Variants in SLIT3 observed in about 807,000 individuals in gnomAD.
The protein encoded by SLIT3 is slit homolog 3 protein.
A neutral mutation model predicts 184.0 loss-of-function variants in SLIT3; 68 were observed. That is an observed-to-expected ratio of 0.37 (90% CI 0.30 to 0.45). The LOEUF (loss-of-function observed/expected upper bound fraction) is 0.45, where lower values mean the gene tolerates loss of function less well. Ranked by LOEUF, SLIT3 falls within the 20% of genes least tolerant of loss-of-function variation. The probability of loss-of-function intolerance (pLI) is 1.00; values close to 1 mark genes in which losing one functional copy is unlikely to be tolerated. For synonymous variants in SLIT3, 831 were observed against 828.6 expected (o/e 1.00, Z -0.05); for missense variants, 1,707 against 2,026.0 (o/e 0.84, Z 3.02).
At chr5:168,686,893 T>C in intron 30 of SLIT3, 86 bp downstream of exon 30, 1 of 1,535,342 alleles carries the variant, frequency 6.5e-7, no homozygotes, top group Non-Finnish European at 8.9e-7. Flanking sequence ...GGCCTGAGTC[T>C]CCATTCTGGC....
chr5:169,235,984 G>A (rs2113562022), intron 3 of SLIT3, among the ~76,000 whole-genome samples: 1 of 152,292 alleles, frequency 6.6e-6, no homozygotes, highest in Non-Finnish European at 1.5e-5. Context: ...CTCTTTCGAA[G>A]GAAGTGTCTC....
intron 14 of SLIT3, among the ~76,000 whole-genome samples, chr5:168,769,440 G>A (rs2113526982): frequency 6.6e-6 from 1 of 152,314 alleles, no homozygotes; most frequent in East Asian, 1.9e-4. Flanking sequence ...ATATCCTCTA[G>A]ATGGTCTCAG....
intron 4 of SLIT3, among the ~76,000 whole-genome samples, chr5:169,007,080 C>T (rs1260173295): frequency 2.6e-5 from 4 of 152,116 alleles, no homozygotes; most frequent in Admixed American, 2.0e-4. Context: ...ATGCTGTTCT[C>T]GTGATAGTGA....
chr5:168,977,043 T>C lies in SLIT3; in HGVS notation c.414-93707A>G, dbSNP rs547160292. On this transcript the variant is annotated intron_variant, in intron 4 of 35. Transcript: ENST00000519560. ...AATTTGGGGGAGGGGTTGGGGGAGG[T>C]CCTCAGTGGGGAACAAAGGGGCCCA... Among the ~76,000 whole-genome samples, 3 of 151,658 alleles carry C rather than the reference T, an allele frequency of 2.0e-5. No homozygotes were observed. In the South Asian group the frequency reaches 6.3e-4, roughly 32 times the overall value.
chr5:168,975,908 G>GAGC (rs1369963918), intron 4 of SLIT3, among the ~76,000 whole-genome samples: 3 of 152,158 alleles, frequency 2.0e-5, no homozygotes, highest in Non-Finnish European at 4.4e-5. Flanking sequence ...AAGAGGAAGG[G>GAGC]AGCAGTACAG....
chr5:168,987,599 A>G (rs1476915125), intron 4 of SLIT3, among the ~76,000 whole-genome samples: 3 of 152,242 alleles, frequency 2.0e-5, no homozygotes, highest in Non-Finnish European at 2.9e-5. Flanking sequence ...ACATGCACAC[A>G]GTAAAGCTCT....
intron 4 of SLIT3, among the ~76,000 whole-genome samples, chr5:168,957,846 C>T (rs993544218): frequency 3.9e-5 from 6 of 152,192 alleles, no homozygotes; most frequent in African/African-American, 1.4e-4. Flanking sequence ...TGACCTTATC[C>T]AAGTCACTTA....
intron 4 of SLIT3, among the ~76,000 whole-genome samples, chr5:168,921,051 G>A (rs1171860131): frequency 6.6e-6 from 1 of 152,134 alleles, no homozygotes; most frequent in African/African-American, 2.4e-5. Flanking sequence ...TGGAGTTTAA[G>A]TTGTGGGTCT....
intron 4 of SLIT3, among the ~76,000 whole-genome samples, chr5:169,015,961 CACACACACACACACACACACACACAA>C (rs200896379): frequency 0.014 from 1,971 of 143,518 alleles, 101 homozygotes; most frequent in East Asian, 0.1. Context: ...CACACACACA[CACACACACACACACACACACACACAA>C]CTTTCTGTCT....
chr5:169,000,475 C>T (rs377521883), intron 4 of SLIT3, among the ~76,000 whole-genome samples: 18 of 147,474 alleles, frequency 1.2e-4, no homozygotes, highest in African/African-American at 4.5e-4. Context: ...GTTGCATCAA[C>T]GCTTAAGCCT....
intron 1 of SLIT3, among the ~76,000 whole-genome samples, chr5:169,298,908 T>A (rs1767595552): frequency 6.6e-6 from 1 of 152,200 alleles, no homozygotes; most frequent in South Asian, 2.1e-4. Flanking sequence ...AAACATTAGC[T>A]ATAATTATTA....
intron 4 of SLIT3, among the ~76,000 whole-genome samples, chr5:168,939,786 G>T (rs1762276210): frequency 6.6e-6 from 1 of 152,212 alleles, no homozygotes; most frequent in Non-Finnish European, 1.5e-5. Context: ...TATGCTATCA[G>T]TGTTATTATC....
At chr5:169,203,351 GCACACACACACACACACA>G (rs36206656) in intron 3 of SLIT3, among the ~76,000 whole-genome samples, 30 of 147,534 alleles carry the variant, frequency 2.0e-4, no homozygotes, top group African/African-American at 7.3e-4. Context: ...ATGTGAATGT[GCACACACACACACACACA>G]CACACACACA....
At chr5:169,249,068 G>A (rs1035881155) in intron 2 of SLIT3, among the ~76,000 whole-genome samples, 1 of 152,082 alleles carries the variant, frequency 6.6e-6, no homozygotes, top group African/African-American at 2.4e-5. Context: ...GTGCCAAGGT[G>A]TGAAAAAAAT....
intron 4 of SLIT3, among the ~76,000 whole-genome samples, chr5:169,184,627 G>A (rs543572203): frequency 7.9e-5 from 12 of 152,192 alleles, no homozygotes; most frequent in East Asian, 3.9e-4. Flanking sequence ...CAAATCCCCC[G>A]GTCCATTCCA....
At chr5:168,782,274 G>T (rs1756003281) in intron 12 of SLIT3, among the ~76,000 whole-genome samples, 1 of 152,190 alleles carries the variant, frequency 6.6e-6, no homozygotes. Context: ...GGGTTTAAAA[G>T]CTTCCACCTC....
chr5:168,778,116 G>A (rs73308256), intron 12 of SLIT3, among the ~76,000 whole-genome samples: 4,325 of 152,246 alleles, frequency 0.028, 212 homozygotes, highest in African/African-American at 0.099. Flanking sequence ...CCTGTTTGAG[G>A]AGCATTGGTG....
intron 4 of SLIT3, among the ~76,000 whole-genome samples, chr5:168,886,452 A>T (rs1198286859): frequency 6.6e-6 from 1 of 152,190 alleles, no homozygotes; most frequent in African/African-American, 2.4e-5. Flanking sequence ...GAGAGAGACA[A>T]GAGCCACCAT....
intron 6 of SLIT3, among the ~76,000 whole-genome samples, chr5:168,842,532 G>A (rs1184664212): frequency 7.1e-6 from 1 of 141,798 alleles, no homozygotes; most frequent in Non-Finnish European, 1.5e-5. Flanking sequence ...CTGGGCAAGG[G>A]CTTGATGGGG....
Sources: gnomAD v4.1 joint callset for allele counts (sites outside exome capture counted in the v4.1 genomes callset) on GRCh38, gnomAD v4.1.1 for gene constraint, MANE v1.5 for transcripts, NCBI Gene and HGNC (gene_info 2026-07-23, HGNC 2026-07-21) for gene names.